FHIT: variants seen among roughly 807,000 people sequenced by gnomAD.
FHIT encodes bis(5'-adenosyl)-triphosphatase.
Under a neutral mutation model 17.9 loss-of-function variants are expected in FHIT, and 19 were observed. The observed-to-expected ratio is 1.06, with a 90% CI of 0.74 to 1.56. The LOEUF (loss-of-function observed/expected upper bound fraction) is 1.56, where lower values mean the gene tolerates loss of function less well. FHIT is among the 40% of genes most tolerant of loss of function. The probability of loss-of-function intolerance (pLI) is 0.00; values close to 1 mark genes in which losing one functional copy is unlikely to be tolerated. For synonymous variants in FHIT, 81 were observed against 69.7 expected, an observed-to-expected ratio of 1.16 and a Z score of -0.81; for missense variants, 248 against 189.2, an observed-to-expected ratio of 1.31 and a Z score of -1.82.
rs1279991666 is a variant in FHIT, at chr3:59,805,521, C to CAG, written c.349-53202_349-53201dup. 6.6e-5 allele frequency among the ~76,000 whole-genome samples: 10 copies of CAG among 152,270 alleles called. No homozygotes were observed. In the South Asian group the frequency reaches 8.3e-4, roughly 13 times the overall value. On this transcript the variant is annotated intron_variant, in intron 8 of 9. Coordinates refer to ENST00000492590, the MANE Select transcript of FHIT (RefSeq NM_002012.4). ...TCTTATCTCTGAAGACAAAGGGTCA[C>CAG]AGAGAAGAATCTGAACAAAACTCTG...
At chr3:59,963,467 A>AAGG (rs1032729258) in intron 7 of FHIT, among the ~76,000 whole-genome samples, 12 of 152,020 alleles carry the variant, frequency 7.9e-5, no homozygotes, top group African/African-American at 2.4e-4. Flanking sequence ...TGAGAGAGAG[A>AAGG]AGGAGGAGGA....
intron 5 of FHIT, among the ~76,000 whole-genome samples, chr3:60,094,805 GAGAGAGAGAGAGAAGA>G (rs1370291407): frequency 3.2e-5 from 2 of 62,534 alleles, no homozygotes; most frequent in Non-Finnish European, 6.3e-5. Flanking sequence ...GGGTGGGGGA[GAGAGAGAGAGAGAAGA>G]AGAGAGAGAG....
chr3:60,531,371 C>T (rs1182703347), intron 5 of FHIT, among the ~76,000 whole-genome samples: 2 of 149,942 alleles, frequency 1.3e-5, no homozygotes, highest in Non-Finnish European at 3.0e-5. Context: ...CTCCGCCTCC[C>T]GGGTTCACGC....
intron 4 of FHIT, among the ~76,000 whole-genome samples, chr3:60,724,139 C>G (rs2041867032): frequency 6.6e-6 from 1 of 152,100 alleles, no homozygotes; most frequent in South Asian, 2.1e-4. Flanking sequence ...CAGTCACTAC[C>G]CATTTTCTCC....
chr3:60,785,679 T>C (rs1476813382), intron 4 of FHIT, among the ~76,000 whole-genome samples: 1 of 152,162 alleles, frequency 6.6e-6, no homozygotes, highest in Non-Finnish European at 1.5e-5. Context: ...GCCTCTGGGA[T>C]TGTATTGCTG....
At chr3:59,948,772 A>G (rs1011533019) in intron 7 of FHIT, among the ~76,000 whole-genome samples, 13 of 151,978 alleles carry the variant, frequency 8.6e-5, no homozygotes, top group African/African-American at 2.9e-4. Flanking sequence ...ATTATCTTCA[A>G]TGAAATGTCT....
chr3:60,141,509 G>A (rs921980377), intron 5 of FHIT, among the ~76,000 whole-genome samples: 25 of 152,030 alleles, frequency 1.6e-4, no homozygotes, highest in African/African-American at 5.3e-4. Flanking sequence ...CAGTAAAACA[G>A]GAAGTCACTC....
chr3:61,175,884 G>C (rs1008404824), intron 2 of FHIT, among the ~76,000 whole-genome samples: 3 of 152,194 alleles, frequency 2.0e-5, no homozygotes, highest in Non-Finnish European at 4.4e-5. Context: ...GTGATATTTT[G>C]CTACAGCAGC....
intron 5 of FHIT, among the ~76,000 whole-genome samples, chr3:60,153,154 T>C (rs933576413): frequency 6.6e-6 from 1 of 152,160 alleles, no homozygotes; most frequent in Non-Finnish European, 1.5e-5. Flanking sequence ...ATGATCTTCA[T>C]AAAAATTCTG....
chr3:60,333,811 G>C (rs1019476455), intron 5 of FHIT, among the ~76,000 whole-genome samples: 1 of 152,160 alleles, frequency 6.6e-6, no homozygotes, highest in African/African-American at 2.4e-5. Flanking sequence ...AGGCCTCCCA[G>C]ATAGGATCAA....
intron 5 of FHIT, among the ~76,000 whole-genome samples, chr3:60,338,263 T>A (rs1710340519): frequency 6.6e-6 from 1 of 152,228 alleles, no homozygotes; most frequent in African/African-American, 2.4e-5. Context: ...TCCAATGCTA[T>A]AACAGTGTAT....
intron 4 of FHIT, among the ~76,000 whole-genome samples, chr3:60,719,263 A>C (rs1355242579): frequency 1.3e-5 from 2 of 152,116 alleles, no homozygotes; most frequent in African/African-American, 2.4e-5. Context: ...GAGGCCTGCT[A>C]TTTTTTTCCT....
chr3:60,356,753 C>CAAAAAAAAAAAAAAAA (rs57588436), intron 5 of FHIT, among the ~76,000 whole-genome samples: 27 of 58,674 alleles, frequency 4.6e-4, no homozygotes, highest in Non-Finnish European at 7.1e-4. Flanking sequence ...AAGACAGAGA[C>CAAAAAAAAAAAAAAAA]AAAAAAAAAA....
intron 8 of FHIT, among the ~76,000 whole-genome samples, chr3:59,814,656 C>A (rs891087947): frequency 7.2e-5 from 11 of 152,172 alleles, no homozygotes; most frequent in Non-Finnish European, 1.2e-4. Context: ...GGCCACACAG[C>A]TTTTAAACAT....
chr3:60,200,998 C>T (rs1234344825), intron 5 of FHIT, among the ~76,000 whole-genome samples: 1 of 152,122 alleles, frequency 6.6e-6, no homozygotes, highest in Non-Finnish European at 1.5e-5. Flanking sequence ...CTGTCTCCAA[C>T]AGAACTTACT....
At chr3:60,847,885 A>C (rs2106896888) in intron 3 of FHIT, among the ~76,000 whole-genome samples, 1 of 152,310 alleles carries the variant, frequency 6.6e-6, no homozygotes, top group South Asian at 2.1e-4. Flanking sequence ...AGTATGCCAA[A>C]TGAAATAAAG....
At chr3:60,569,736 T>TATATAC (rs1553654759) in intron 4 of FHIT, among the ~76,000 whole-genome samples, 27 of 46,256 alleles carry the variant, frequency 5.8e-4, no homozygotes, top group Non-Finnish European at 1.0e-3. Context: ...TATATATATA[T>TATATAC]ATATATATAT....
At chr3:61,180,941 T>G (rs1228401447) in intron 2 of FHIT, among the ~76,000 whole-genome samples, 2 of 152,212 alleles carry the variant, frequency 1.3e-5, no homozygotes, top group African/African-American at 4.8e-5. Flanking sequence ...ATTATCAATT[T>G]AATATTTTTA....
intron 5 of FHIT, among the ~76,000 whole-genome samples, chr3:60,035,328 C>T (rs1046201892): frequency 6.6e-6 from 1 of 152,220 alleles, no homozygotes; most frequent in Non-Finnish European, 1.5e-5. Flanking sequence ...CCCCTGCCTC[C>T]TGGGTTCAAG....
Sources: gnomAD v4.1 joint callset for allele counts (sites outside exome capture counted in the v4.1 genomes callset) on GRCh38, gnomAD v4.1.1 for gene constraint, MANE v1.5 for transcripts, NCBI Gene and HGNC (gene_info 2026-07-23, HGNC 2026-07-21) for gene names.